Variants in CSMD1 observed in about 807,000 individuals in gnomAD.
CSMD1 encodes the protein CUB and sushi domain-containing protein 1.
A neutral mutation model predicts 417.5 loss-of-function variants in CSMD1; 213 were observed. That is an observed-to-expected ratio of 0.51 (90% CI 0.46 to 0.57). The LOEUF is 0.57. Ranked by LOEUF, CSMD1 falls within the 20% of genes least tolerant of loss-of-function variation. The pLI, the probability that CSMD1 is intolerant of heterozygous loss-of-function variation, is 0.00. For missense variants in CSMD1, 6,923 were observed against 4,529.7 expected (o/e 1.53, Z -15.17); for synonymous variants, 2,862 against 1,736.8 (o/e 1.65, Z -16.11).
chr8:3,113,053 G>A (rs1237388784), intron 42 of CSMD1: 2 of 152,184 alleles, frequency 1.3e-5, no homozygotes, highest in African/African-American at 2.4e-5. Flanking sequence ...CAGAGACGGG[G>A]GCCTGTGATC....
chr8:4,130,187 T>A (rs1803011907), intron 3 of CSMD1, among the ~76,000 whole-genome samples: 1 of 152,174 alleles, frequency 6.6e-6, no homozygotes, highest in South Asian at 2.1e-4. Context: ...AGTTCTTTCT[T>A]TCTCTTGAGT....
intron 3 of CSMD1, among the ~76,000 whole-genome samples, chr8:4,224,438 C>T (rs1292211960): frequency 6.6e-6 from 1 of 152,142 alleles, no homozygotes; most frequent in Non-Finnish European, 1.5e-5. Context: ...TCTTTTAAAG[C>T]TTATTCTCAG....
chr8:3,416,987 C>G (rs74989647), intron 12 of CSMD1, among the ~76,000 whole-genome samples: 1 of 152,192 alleles, frequency 6.6e-6, no homozygotes. Flanking sequence ...CAATAGATGA[C>G]TATTGGATTA....
chr8:4,507,311 T>A (rs1372264850), intron 2 of CSMD1, among the ~76,000 whole-genome samples: 1 of 152,192 alleles, frequency 6.6e-6, no homozygotes, highest in African/African-American at 2.4e-5. Context: ...ACTTACCTTG[T>A]AAAAGAATAA....
intron 5 of CSMD1, among the ~76,000 whole-genome samples, chr8:3,921,542 C>T (rs1183624152): frequency 1.3e-5 from 2 of 151,936 alleles, no homozygotes; most frequent in East Asian, 1.9e-4. Context: ...CTGTAAACTT[C>T]CCTCTTAGAA....
chr8:4,793,322 G>A (rs931576807), intron 1 of CSMD1, among the ~76,000 whole-genome samples: 3 of 152,096 alleles, frequency 2.0e-5, no homozygotes, highest in Non-Finnish European at 4.4e-5. Flanking sequence ...ACACAGAAGA[G>A]GCATTTTTAT....
intron 2 of CSMD1, among the ~76,000 whole-genome samples, chr8:4,538,498 C>T (rs1378621847): frequency 1.3e-5 from 2 of 151,978 alleles, no homozygotes; most frequent in African/African-American, 4.8e-5. Flanking sequence ...GAAAAATTAG[C>T]TGTGTGTGGT....
At chr8:4,103,476 G>C (rs943618982) in intron 3 of CSMD1, among the ~76,000 whole-genome samples, 1 of 149,988 alleles carries the variant, frequency 6.7e-6, no homozygotes, top group African/African-American at 2.4e-5. Flanking sequence ...TTTTAAAAAG[G>C]GTTTTACATA....
rs1315831177 is a variant in CSMD1 at position 4,142,838 on chromosome 8, A to C, written c.416-110739T>G. ...CCTAACAGAGGAAAATGATTTCTTA[A>C]ATTGTTGTGCTGTTTCTAATATCAT... is the stretch of plus-strand genomic sequence containing the variant. On this transcript the variant is annotated intron_variant, in intron 3 of 69. Transcript: ENST00000635120. 2.6e-5 allele frequency among the ~76,000 whole-genome samples: 4 copies of C among 151,174 alleles called. No homozygotes were observed. The East Asian group carries it at 7.7e-4, about 29-fold the overall frequency.
chr8:4,062,535 G>C (rs953340699), intron 3 of CSMD1, among the ~76,000 whole-genome samples: 3 of 152,094 alleles, frequency 2.0e-5, no homozygotes, highest in Non-Finnish European at 2.9e-5. Flanking sequence ...ATCACCTGTG[G>C]CATTGACATG....
At chr8:4,187,372 C>G (rs983785800) in intron 3 of CSMD1, among the ~76,000 whole-genome samples, 4 of 152,094 alleles carry the variant, frequency 2.6e-5, no homozygotes, top group Admixed American at 2.6e-4. Flanking sequence ...TTGGGCCAGG[C>G]ACGGTGGCTG....
chr8:4,337,191 C>G (rs1168273310), intron 3 of CSMD1, among the ~76,000 whole-genome samples: 2 of 152,114 alleles, frequency 1.3e-5, no homozygotes, highest in Admixed American at 6.6e-5. Context: ...ACAGTGTTAT[C>G]TCAAAAGGGG....
chr8:3,259,904 T>C (rs554651147), intron 26 of CSMD1, among the ~76,000 whole-genome samples: 131 of 152,260 alleles, frequency 8.6e-4, no homozygotes, highest in African/African-American at 3.0e-3. Flanking sequence ...CAAACACATC[T>C]CTGACCACTC....
At chr8:3,817,988 G>C (rs1801487684) in intron 5 of CSMD1, among the ~76,000 whole-genome samples, 1 of 152,096 alleles carries the variant, frequency 6.6e-6, no homozygotes, top group Non-Finnish European at 1.5e-5. Flanking sequence ...TGTATTTTAA[G>C]AAAAAGCCCA....
intron 4 of CSMD1, among the ~76,000 whole-genome samples, chr8:3,999,081 G>A (rs1815456442): frequency 6.6e-6 from 1 of 150,686 alleles, no homozygotes; most frequent in Admixed American, 6.6e-5. Flanking sequence ...ATATGAGAGA[G>A]AAGTATTTTA....
intron 2 of CSMD1, among the ~76,000 whole-genome samples, chr8:4,622,522 T>C (rs188408378): frequency 3.4e-4 from 52 of 152,274 alleles, no homozygotes; most frequent in East Asian, 1.9e-4. Context: ...CCTCCTGCTG[T>C]GTCCATGCAG....
At chr8:3,827,715 A>C (rs1360154557) in intron 5 of CSMD1, among the ~76,000 whole-genome samples, 2 of 152,242 alleles carry the variant, frequency 1.3e-5, no homozygotes, top group Non-Finnish European at 2.9e-5. Context: ...GTCAGGATTT[A>C]TTCCATCCAC....
intron 5 of CSMD1, among the ~76,000 whole-genome samples, chr8:3,971,892 G>C (rs955096980): frequency 2.0e-5 from 3 of 151,970 alleles, no homozygotes; most frequent in Admixed American, 6.6e-5. Flanking sequence ...TGATTTTTTT[G>C]TTGACTTTTT....
At chr8:4,283,163 G>A (rs2680602) in intron 3 of CSMD1, among the ~76,000 whole-genome samples, 9 of 152,222 alleles carry the variant, frequency 5.9e-5, no homozygotes, top group Middle Eastern at 6.8e-3. Flanking sequence ...GTGAAGGTAC[G>A]TTGAGAGTCT....
Sources: allele counts gnomAD v4.1 joint callset (sites outside exome capture counted in the v4.1 genomes callset), GRCh38; gene constraint gnomAD v4.1.1; transcripts MANE v1.5; gene names NCBI Gene and HGNC (gene_info 2026-07-23, HGNC 2026-07-21).